Variants in NAV2 observed in about 807,000 individuals in gnomAD.
NAV2 encodes neuron navigator 2.
Under a neutral mutation model 223.2 loss-of-function variants are expected in NAV2, and 54 were observed. That is an observed-to-expected ratio of 0.24 (90% CI 0.19 to 0.30). The LOEUF (loss-of-function observed/expected upper bound fraction) is 0.30, where lower values mean the gene tolerates loss of function less well. NAV2 is among the 10% of genes least tolerant of loss of function. The pLI is 1.00. For missense variants in NAV2, 2,806 were observed against 3,147.5 expected, an observed-to-expected ratio of 0.89 and a Z score of 2.60; for synonymous variants, 1,279 against 1,239.3, an observed-to-expected ratio of 1.03 and a Z score of -0.67.
chr11:19,798,167 C>T (rs139413654), intron 1 of NAV2, among the ~76,000 whole-genome samples: 1 of 152,282 alleles, frequency 6.6e-6, no homozygotes, highest in African/African-American at 2.4e-5. Context: ...ACACCAAACA[C>T]CAGTTGATGG....
intron 1 of NAV2, among the ~76,000 whole-genome samples, chr11:19,727,225 G>T (rs982246826): frequency 6.6e-6 from 1 of 152,184 alleles, no homozygotes; most frequent in Non-Finnish European, 1.5e-5. Flanking sequence ...TCCCCACTCT[G>T]CCAGGTGTGC....
At chr11:19,881,917 A>G (rs1026421071) in intron 5 of NAV2, among the ~76,000 whole-genome samples, 3 of 152,134 alleles carry the variant, frequency 2.0e-5, no homozygotes, top group African/African-American at 7.2e-5. Context: ...GAGGAGAGGG[A>G]TCAGTGATAA....
chr11:20,083,722 G>T (rs2060237417), intron 26 of NAV2, among the ~76,000 whole-genome samples: 1 of 152,136 alleles, frequency 6.6e-6, no homozygotes, highest in Non-Finnish European at 1.5e-5. Flanking sequence ...CTGAGATAGG[G>T]TTAGAGAAAG....
At chr11:19,494,566 T>C (rs2042733298) in intron 1 of NAV2, among the ~76,000 whole-genome samples, 2 of 152,198 alleles carry the variant, frequency 1.3e-5, no homozygotes, top group African/African-American at 2.4e-5. Flanking sequence ...GTGAAACCTA[T>C]ATGTGTGTGG....
intron 1 of NAV2, chr11:19,519,750 C>T (rs1361937003): frequency 6.6e-6 from 1 of 152,224 alleles, no homozygotes; most frequent in Admixed American, 6.5e-5. Flanking sequence ...GAGCACTGAC[C>T]TGGAGGAGAA....
chr11:19,534,894 G>A (rs987438829), intron 1 of NAV2, among the ~76,000 whole-genome samples: 1 of 152,190 alleles, frequency 6.6e-6, no homozygotes, highest in African/African-American at 2.4e-5. Context: ...CTTGTGCACT[G>A]CATGACTGGC....
chr11:20,114,817 C>A (rs1314445682), intron 37 of NAV2, 22 bp downstream of exon 37: 3 of 1,603,682 alleles, frequency 1.9e-6, no homozygotes, highest in Admixed American at 1.7e-5. Flanking sequence ...GCCACCAGAG[C>A]AGCTCAGCAT....
At chr11:19,838,596 G>T (rs1009575505) in intron 2 of NAV2, among the ~76,000 whole-genome samples, 3 of 152,142 alleles carry the variant, frequency 2.0e-5, no homozygotes, top group African/African-American at 7.2e-5. Flanking sequence ...CATCTGATGT[G>T]TAACTTCAAG....
chr11:19,446,906 T>C (rs1851604956), intron 1 of NAV2, among the ~76,000 whole-genome samples: 1 of 152,194 alleles, frequency 6.6e-6, no homozygotes, highest in Non-Finnish European at 1.5e-5. Flanking sequence ...AGCGTCAGCC[T>C]GGTCTCTCTA....
chr11:19,501,745 G>A (rs1401512674), intron 1 of NAV2, among the ~76,000 whole-genome samples: 2 of 151,704 alleles, frequency 1.3e-5, no homozygotes, highest in Non-Finnish European at 2.9e-5. Flanking sequence ...TGGTAGGGTA[G>A]CAGCAGCAGA....
intron 1 of NAV2, among the ~76,000 whole-genome samples, chr11:19,573,440 C>G (rs561048473): frequency 6.6e-6 from 1 of 152,282 alleles, no homozygotes; most frequent in South Asian, 2.1e-4. Flanking sequence ...CACAGCCAAG[C>G]ACATAGTATG....
rs1188808825 is a variant in NAV2 at position 19,892,581 on chromosome 11, C to T, written c.918C>T (p.Ser306=). The T allele has an allele frequency of 6.2e-7, 1 of 1,613,802 alleles. No individual in the cohort carries two copies. The highest frequency in any genetic ancestry group is 8.5e-7 in the Non-Finnish European group (1 of 1,179,878). ...KPVTSPPPPP[S]SHEKEPLASS... is the part of the protein sequence containing the mutation. ...TCACCTCCCCACCCCCACCGCCAAG[C>T]AGCCACGAGAAAGGTGAGTCACCTT... The change falls in exon 6 of 38, where the codon AGC becomes AGT. Residue 306 remains serine (S), a synonymous_variant. Coordinates refer to ENST00000349880, the MANE Select transcript of NAV2 (RefSeq NM_145117.5).
chr11:20,064,830 C>A (rs10741813), intron 20 of NAV2, among the ~76,000 whole-genome samples: 27,401 of 152,148 alleles, frequency 0.18, 2,639 homozygotes, highest in Middle Eastern at 0.32. Context: ...GTAATCATAG[C>A]GTTCTTCTCA....
intron 1 of NAV2, among the ~76,000 whole-genome samples, chr11:19,753,332 C>G (rs547692574): frequency 6.6e-6 from 1 of 152,248 alleles, no homozygotes; most frequent in South Asian, 2.1e-4. Context: ...CCTCAAGCCT[C>G]TTTATCTTAT....
At chr11:19,894,491 A>G (rs2041788029) in intron 6 of NAV2, among the ~76,000 whole-genome samples, 1 of 152,236 alleles carries the variant, frequency 6.6e-6, no homozygotes, top group African/African-American at 2.4e-5. Flanking sequence ...GAAAATAAAG[A>G]TAAAAGTTCC....
At chr11:19,831,223 C>CGGTGGGGGG (rs1555083701) in intron 1 of NAV2, among the ~76,000 whole-genome samples, 1 of 870 alleles carries the variant, frequency 1.1e-3, no homozygotes, top group Non-Finnish European at 2.7e-3. Flanking sequence ...AGGAGTGTTG[C>CGGTGGGGGG]GGGGGGGGGG....
chr11:20,017,849 T>G (rs78232068), intron 11 of NAV2, among the ~76,000 whole-genome samples: 2 of 152,200 alleles, frequency 1.3e-5, no homozygotes, highest in East Asian at 1.9e-4. Flanking sequence ...CCAGGCAATG[T>G]GATGTGTGTC....
chr11:19,485,455 A>G (rs2042411337), intron 1 of NAV2, among the ~76,000 whole-genome samples: 1 of 152,186 alleles, frequency 6.6e-6, no homozygotes, highest in South Asian at 2.1e-4. Context: ...AGTTACCAAC[A>G]CACAGGGCTT....
chr11:19,884,813 C>T (rs1173822879), intron 5 of NAV2, among the ~76,000 whole-genome samples: 1 of 151,904 alleles, frequency 6.6e-6, no homozygotes, highest in East Asian at 1.9e-4. Flanking sequence ...GTTAAAATTA[C>T]TAATGTGGGT....
Sources: gnomAD v4.1 joint callset for allele counts (sites outside exome capture counted in the v4.1 genomes callset) on GRCh38, gnomAD v4.1.1 for gene constraint, MANE v1.5 for transcripts, NCBI Gene and HGNC (gene_info 2026-07-23, HGNC 2026-07-21) for gene names.